CERS6: variants seen among roughly 807,000 people sequenced by gnomAD.
CERS6 encodes the protein LAG1 homolog, ceramide synthase 6.
A neutral mutation model predicts 56.8 loss-of-function variants in CERS6; 26 were observed. That is an observed-to-expected ratio of 0.46 (90% CI 0.34 to 0.63). CERS6 has a LOEUF of 0.63. Ranked by LOEUF, CERS6 falls within the 30% of genes least tolerant of loss-of-function variation. The pLI is 0.01. For missense variants in CERS6, 415 were observed against 467.5 expected (o/e 0.89, Z 1.04); for synonymous variants, 164 against 173.3 (o/e 0.95, Z 0.42).
chr2:168,692,553 G>A (rs138716207), intron 5 of CERS6, among the ~76,000 whole-genome samples: 120 of 152,232 alleles, frequency 7.9e-4, no homozygotes, highest in African/African-American at 2.8e-3. Flanking sequence ...TTGAGGGTCT[G>A]GGAGTTAGTA....
intron 4 of CERS6, among the ~76,000 whole-genome samples, chr2:168,632,774 G>A (rs1684776852): frequency 6.6e-6 from 1 of 152,190 alleles, no homozygotes; most frequent in African/African-American, 2.4e-5. Context: ...TGCTTCATGG[G>A]AAGGTCGGGT....
chr2:168,644,159 T>A lies in CERS6; in HGVS notation c.465+13117T>A, dbSNP rs556808620. 173 of 967,586 alleles carry A rather than the reference T, an allele frequency of 1.8e-4. 3 individuals are homozygous for A. The African/African-American group carries it at 2.7e-3, about 15-fold the overall frequency. The allele number at this position is 967,586 out of a possible 1,614,324, so 59.9% of individuals were successfully genotyped here. A position where few individuals can be genotyped will look rare whatever the true frequency, so the allele number is the denominator to read the frequency against. On this transcript the variant is annotated intron_variant, in intron 4 of 9. Transcript: ENST00000305747. ...TTGGCATCAGGCAGCACATGGTAAG[T>A]GCTGTAGTGATGATGAAAATAGATG...
chr2:168,656,853 T>C (rs1685486578), intron 4 of CERS6, among the ~76,000 whole-genome samples: 3 of 152,156 alleles, frequency 2.0e-5, no homozygotes, highest in Non-Finnish European at 4.4e-5. Flanking sequence ...AGGGCGCTGA[T>C]TGGTGCGTTT....
At chr2:168,524,219 G>A (rs923846754) in intron 1 of CERS6, among the ~76,000 whole-genome samples, 1 of 152,236 alleles carries the variant, frequency 6.6e-6, no homozygotes, top group Non-Finnish European at 1.5e-5. Flanking sequence ...CTTTCTTAGT[G>A]TGATGTGATA....
At chr2:168,516,170 G>A (rs1348501316) in intron 1 of CERS6, among the ~76,000 whole-genome samples, 1 of 152,092 alleles carries the variant, frequency 6.6e-6, no homozygotes, top group Non-Finnish European at 1.5e-5. Context: ...GGCCTAGCTT[G>A]TGGGAAGAAC....
chr2:168,534,547 C>T (rs943401807), intron 1 of CERS6, among the ~76,000 whole-genome samples: 6 of 151,974 alleles, frequency 3.9e-5, no homozygotes, highest in Admixed American at 6.6e-5. Flanking sequence ...CTCGCTCCCG[C>T]GTCGGGAGAT....
At chr2:168,636,776 T>G (rs1013439223) in intron 4 of CERS6, among the ~76,000 whole-genome samples, 1 of 152,198 alleles carries the variant, frequency 6.6e-6, no homozygotes, top group Non-Finnish European at 1.5e-5. Flanking sequence ...TCCTCGTCCC[T>G]TTCATTTACC....
intron 1 of CERS6, among the ~76,000 whole-genome samples, chr2:168,518,863 T>A (rs1344052670): frequency 6.6e-6 from 1 of 151,990 alleles, no homozygotes; most frequent in Non-Finnish European, 1.5e-5. Flanking sequence ...CCGTTGGTAT[T>A]CTCTTCCTCC....
chr2:168,576,790 A>G (rs532949855), intron 3 of CERS6, among the ~76,000 whole-genome samples: 5 of 152,322 alleles, frequency 3.3e-5, no homozygotes, highest in Admixed American at 1.3e-4. Context: ...GTTTGAGTGG[A>G]GGCCTCAGAT....
chr2:168,693,720 A>G (rs1472237935), intron 5 of CERS6, among the ~76,000 whole-genome samples: 3 of 151,584 alleles, frequency 2.0e-5, no homozygotes, highest in Admixed American at 1.3e-4. Flanking sequence ...AACCCCATTC[A>G]TGGGGGCTCC....
chr2:168,458,014 C>A (rs979855510), intron 1 of CERS6, among the ~76,000 whole-genome samples: 8 of 152,102 alleles, frequency 5.3e-5, no homozygotes, highest in Non-Finnish European at 1.2e-4. Flanking sequence ...AAAAAAGGAT[C>A]AAAAAAGTCA....
At chr2:168,702,219 A>G (rs1359084636) in intron 6 of CERS6, among the ~76,000 whole-genome samples, 3 of 152,226 alleles carry the variant, frequency 2.0e-5, no homozygotes, top group Non-Finnish European at 1.5e-5. Flanking sequence ...ATATTGAAAA[A>G]GAATATTGTG....
intron 3 of CERS6, among the ~76,000 whole-genome samples, chr2:168,626,065 A>G (rs971535363): frequency 1.3e-5 from 2 of 152,190 alleles, no homozygotes; most frequent in African/African-American, 4.8e-5. Context: ...CCTAGTTTCC[A>G]ATCCTGACTT....
chr2:168,646,339 T>C (rs1247685947), intron 4 of CERS6, among the ~76,000 whole-genome samples: 1 of 152,226 alleles, frequency 6.6e-6, no homozygotes, highest in Middle Eastern at 3.2e-3. Context: ...CATGTGTGTC[T>C]TCTTTTGAAA....
intron 2 of CERS6, among the ~76,000 whole-genome samples, chr2:168,553,096 G>T (rs1305605089): frequency 6.6e-6 from 1 of 151,784 alleles, no homozygotes; most frequent in African/African-American, 2.4e-5. Flanking sequence ...ATCCATCACA[G>T]AAAAAAAGAC....
At chr2:168,645,230 T>A (rs1050825556) in intron 4 of CERS6, among the ~76,000 whole-genome samples, 1 of 139,224 alleles carries the variant, frequency 7.2e-6, no homozygotes, top group South Asian at 2.3e-4. Context: ...GGGAATTTTT[T>A]AAAAGATTTA....
intron 3 of CERS6, among the ~76,000 whole-genome samples, chr2:168,578,200 A>C (rs1225025136): frequency 2.7e-5 from 4 of 150,698 alleles, no homozygotes. Context: ...TCATTTCCAC[A>C]TTGTTTACAG....
chr2:168,635,949 T>A (rs888985923), intron 4 of CERS6, among the ~76,000 whole-genome samples: 1 of 152,228 alleles, frequency 6.6e-6, no homozygotes, highest in African/African-American at 2.4e-5. Context: ...GATTGTAATT[T>A]TTTTTGCCTA....
At chr2:168,611,709 A>G (rs1357609264) in intron 3 of CERS6, among the ~76,000 whole-genome samples, 2 of 152,224 alleles carry the variant, frequency 1.3e-5, no homozygotes, top group African/African-American at 4.8e-5. Flanking sequence ...GTTAGTAGCA[A>G]TCTCAAGTGG....
Sources: gnomAD v4.1 joint callset for allele counts (sites outside exome capture counted in the v4.1 genomes callset) on GRCh38, gnomAD v4.1.1 for gene constraint, MANE v1.5 for transcripts, NCBI Gene and HGNC (gene_info 2026-07-23, HGNC 2026-07-21) for gene names.